Variants in SLC8A1 observed in about 807,000 individuals in gnomAD.
SLC8A1 encodes the protein sodium/calcium exchanger 1.
SLC8A1 carries 18 observed loss-of-function variants against 68.3 expected under a neutral mutation model. The ratio of observed to expected loss-of-function variants is 0.26; its 90% CI spans 0.18 to 0.39. SLC8A1 has a LOEUF of 0.39. SLC8A1 is among the 10% of genes least tolerant of loss of function. The probability of loss-of-function intolerance (pLI) is 1.00; values close to 1 mark genes in which losing one functional copy is unlikely to be tolerated. For synonymous variants in SLC8A1, 475 were observed against 415.5 expected (o/e 1.14, Z -1.74); for missense variants, 985 against 1,156.7 (o/e 0.85, Z 2.15).
chr2:40,234,191 G>A (rs1382596887), intron 2 of SLC8A1, among the ~76,000 whole-genome samples: 3 of 152,064 alleles, frequency 2.0e-5, no homozygotes, highest in African/African-American at 7.2e-5. Context: ...ACCTTGGGCA[G>A]TATGGCCATT....
chr2:40,296,078 A>T (rs1321470177), intron 2 of SLC8A1, among the ~76,000 whole-genome samples: 1 of 152,174 alleles, frequency 6.6e-6, no homozygotes, highest in Admixed American at 6.6e-5. Context: ...ACAAAACCTA[A>T]TAATTTACTC....
In SLC8A1 at chr2:40,440,312, G is replaced by A. The variant is rs1032898194; in HGVS notation, c.-24-10008C>T. Reference sequence around the variant, plus strand: ...TAGATGTGAATTTATCTATCACAAAGGTGGTCCTAAAAGGAGCCATTGAAA... The same window carrying A: ...TAGATGTGAATTTATCTATCACAAAAGTGGTCCTAAAAGGAGCCATTGAAA... On this transcript the variant is annotated intron_variant, in intron 1 of 7. Coordinates refer to ENST00000406785, the Ensembl canonical transcript of SLC8A1. Among the ~76,000 whole-genome samples, 7 of 152,248 alleles carry A rather than the reference G, an allele frequency of 4.6e-5. No individual in the cohort carries two copies. The South Asian group carries it at 1.4e-3, about 32-fold the overall frequency.
At chr2:40,163,399 C>T (rs1269857292) in intron 5 of SLC8A1, among the ~76,000 whole-genome samples, 2 of 152,200 alleles carry the variant, frequency 1.3e-5, no homozygotes, top group South Asian at 2.1e-4. Context: ...AAGCTTGCTT[C>T]AGGAATACCA....
chr2:40,366,853 T>A (rs1676359765), intron 2 of SLC8A1, among the ~76,000 whole-genome samples: 1 of 151,838 alleles, frequency 6.6e-6, no homozygotes, highest in Non-Finnish European at 1.5e-5. Context: ...CGCCAAGAAA[T>A]TTAAAAAAGA....
chr2:40,393,249 C>T (rs1026594215), intron 2 of SLC8A1, among the ~76,000 whole-genome samples: 1 of 152,036 alleles, frequency 6.6e-6, no homozygotes, highest in African/African-American at 2.4e-5. Context: ...ACACTTCAAA[C>T]CTCACAGCTC....
chr2:40,264,085 A>G (rs1204205102), intron 2 of SLC8A1, among the ~76,000 whole-genome samples: 1 of 152,250 alleles, frequency 6.6e-6, no homozygotes, highest in Non-Finnish European at 1.5e-5. Context: ...TGCAGCCAGA[A>G]GACACATGAA....
intron 1 of SLC8A1, among the ~76,000 whole-genome samples, chr2:40,510,169 C>T (rs1388428470): frequency 6.6e-6 from 1 of 152,034 alleles, no homozygotes; most frequent in African/African-American, 2.4e-5. Context: ...GTAAGACTGC[C>T]AACACCTTCA....
At chr2:40,506,212 T>C (rs1706360468) in intron 1 of SLC8A1, among the ~76,000 whole-genome samples, 1 of 151,934 alleles carries the variant, frequency 6.6e-6, no homozygotes, top group South Asian at 2.1e-4. Context: ...GTTTACAACG[T>C]TGGTGAATTT....
intron 1 of SLC8A1, among the ~76,000 whole-genome samples, chr2:40,507,284 C>T (rs374504748): frequency 7.9e-5 from 12 of 151,814 alleles, no homozygotes; most frequent in South Asian, 4.2e-4. Context: ...ATACGTTGAT[C>T]GAAACATGAT....
chr2:40,342,451 G>C (rs1667997421), intron 2 of SLC8A1, among the ~76,000 whole-genome samples: 1 of 152,098 alleles, frequency 6.6e-6, no homozygotes, highest in Non-Finnish European at 1.5e-5. Flanking sequence ...AGTGGGATTT[G>C]TTAGATGGTA....
intron 2 of SLC8A1, among the ~76,000 whole-genome samples, chr2:40,236,446 T>C (rs1490575578): frequency 2.6e-5 from 4 of 152,200 alleles, no homozygotes; most frequent in Non-Finnish European, 5.9e-5. Flanking sequence ...TGTTTTCCAT[T>C]TGTTTGGCAG....
chr2:40,240,775 G>A (rs770843549), intron 2 of SLC8A1, among the ~76,000 whole-genome samples: 1 of 152,192 alleles, frequency 6.6e-6, no homozygotes, highest in Non-Finnish European at 1.5e-5. Context: ...CTACTTAGGA[G>A]ACTGAGGCAG....
intron 2 of SLC8A1, among the ~76,000 whole-genome samples, chr2:40,407,371 G>C (rs188091920): frequency 3.9e-5 from 6 of 152,262 alleles, no homozygotes; most frequent in Non-Finnish European, 8.8e-5. Context: ...TGACCCACCA[G>C]ATTCCTCATG....
chr2:40,122,613 T>C (rs1392113240), intron 7 of SLC8A1, among the ~76,000 whole-genome samples: 3 of 152,148 alleles, frequency 2.0e-5, no homozygotes, highest in Admixed American at 6.5e-5. Flanking sequence ...AGTTTCTGCT[T>C]AATCGGCCTG....
At chr2:40,330,766 G>A (rs532777755) in intron 2 of SLC8A1, among the ~76,000 whole-genome samples, 1 of 152,264 alleles carries the variant, frequency 6.6e-6, no homozygotes, top group East Asian at 1.9e-4. Flanking sequence ...TGCACAGACT[G>A]CTAAATAATT....
chr2:40,143,092 A>C lies in SLC8A1; in HGVS notation c.2162-3416T>G, dbSNP rs116049706. On this transcript the variant is annotated intron_variant, in intron 6 of 7. Transcript: ENST00000406785. ...ATCTGCTTTTATAACATTTGAAAGG[A>C]AAGTGGCCTCCCATCCTTTTCTCTG... 4.2e-3 allele frequency among the ~76,000 whole-genome samples: 641 copies of C among 152,282 alleles called. 3 individuals carry two copies. Among genetic ancestry groups the C allele is most frequent in the African/African-American group, 0.015 (607 of 41,556 alleles).
chr2:40,426,105 T>C (rs1362581278), intron 2 of SLC8A1, among the ~76,000 whole-genome samples: 1 of 151,978 alleles, frequency 6.6e-6, no homozygotes, highest in Non-Finnish European at 1.5e-5. Context: ...TTGTCAGTAA[T>C]ACAACTCTAC....
At chr2:40,407,943 C>T (rs552815356) in intron 2 of SLC8A1, among the ~76,000 whole-genome samples, 51 of 152,292 alleles carry the variant, frequency 3.3e-4, no homozygotes, top group African/African-American at 1.2e-3. Flanking sequence ...AACTACTAAC[C>T]AGTTTGCATT....
intron 4 of SLC8A1, among the ~76,000 whole-genome samples, chr2:40,167,805 C>T (rs1000674359): frequency 4.6e-5 from 7 of 152,102 alleles, no homozygotes; most frequent in African/African-American, 1.4e-4. Flanking sequence ...CCTTAATATT[C>T]GTTGTGTGTA....
Sources: gnomAD v4.1 joint callset for allele counts (sites outside exome capture counted in the v4.1 genomes callset) on GRCh38, gnomAD v4.1.1 for gene constraint, MANE v1.5 for transcripts, NCBI Gene and HGNC (gene_info 2026-07-23, HGNC 2026-07-21) for gene names.